AP3B2: variants seen among roughly 807,000 people sequenced by gnomAD.
The protein encoded by AP3B2 is adaptor related protein complex 3 subunit beta 2.
In AP3B2, 50 loss-of-function variants were observed where a neutral mutation model predicts 126.9. The ratio of observed to expected loss-of-function variants is 0.39; its 90% CI spans 0.31 to 0.50. The LOEUF (loss-of-function observed/expected upper bound fraction) is 0.50, where lower values mean the gene tolerates loss of function less well. Among genes scored for constraint, AP3B2 ranks in the 20% least tolerant of loss-of-function variants. AP3B2 has a pLI of 0.79. For synonymous variants in AP3B2, 541 were observed against 565.0 expected (o/e 0.96, Z 0.60); for missense variants, 1,177 against 1,426.4 (o/e 0.83, Z 2.82).
intron 24 of AP3B2, 72 bp from the exon 25 acceptor site, chr15:82,661,994 A>C: frequency 6.9e-7 from 1 of 1,450,256 alleles, no homozygotes; most frequent in Non-Finnish European, 9.6e-7. Context: ...CCCTGTGTAG[A>C]GGCACAGCTT....
At chr15:82,676,286 G>T (rs966773775) in intron 14 of AP3B2, among the ~76,000 whole-genome samples, 175 bp downstream of exon 14, 2 of 152,182 alleles carry the variant, frequency 1.3e-5, no homozygotes, top group African/African-American at 4.8e-5. Context: ...GCACTACAAG[G>T]TCTTTGTGGG....
intron 2 of AP3B2, 23 bp from the exon 3 acceptor site, chr15:82,689,255 G>C: frequency 1.2e-6 from 2 of 1,613,872 alleles, no homozygotes; most frequent in East Asian, 4.5e-5. Flanking sequence ...GTCAAGGTAG[G>C]GGAAGAGGGA....
Position 82,679,765 on chromosome 15 carries a change from G to C in AP3B2, c.1146C>G (p.Ile382Met). Residue 382 changes from isoleucine (I) to methionine (M), a missense_variant, in exon 10 of 27, where the codon ATC becomes ATG. Ile to Met is a conservative substitution (Grantham distance 10). Around this residue, in one of 5 missense-constraint regions of AP3B2, gnomAD observed 308 missense variants for 452.4 expected, o/e 0.68. Transcript: ENST00000535359. ...TAATCTGGGTGGGGTCGGTGGACCT[G>C]ATGTAGAAGCTCTTCAGGTAGGGCT... Reference protein sequence around the residue: ...MFEPYLKSFYIRSTDPTQIKI... With the variant: ...MFEPYLKSFYMRSTDPTQIKI... 6.2e-7 allele frequency: 1 copy of C among 1,613,892 alleles called. No individual in the cohort carries two copies. The highest frequency in any genetic ancestry group is 1.1e-5 in the South Asian group (1 of 91,068).
chr15:82,706,753 A>G (rs1393555893), intron 1 of AP3B2, among the ~76,000 whole-genome samples: 1 of 152,118 alleles, frequency 6.6e-6, no homozygotes, highest in East Asian at 1.9e-4. Context: ...AACCTCTTCC[A>G]TGTAGGTTAC....
chr15:82,666,334 G>A (rs997077527), intron 15 of AP3B2, among the ~76,000 whole-genome samples: 1 of 152,254 alleles, frequency 6.6e-6, no homozygotes, highest in Non-Finnish European at 1.5e-5. Flanking sequence ...TAAGCTCACA[G>A]AATGCAGGCA....
chr15:82,698,388 C>A (rs890727876), intron 1 of AP3B2, among the ~76,000 whole-genome samples: 2 of 151,930 alleles, frequency 1.3e-5, no homozygotes, highest in Admixed American at 1.3e-4. Context: ...CTCTTATAGA[C>A]ACACATATCC....
intron 1 of AP3B2, chr15:82,699,761 G>A: frequency 1.8e-5 from 7 of 399,434 alleles, no homozygotes; most frequent in Non-Finnish European, 3.1e-5. Flanking sequence ...TGGTACCGGA[G>A]TGGGGGCCCA....
intron 20 of AP3B2, 55 bp downstream of exon 20, chr15:82,663,746 G>A (rs1356489300): frequency 6.3e-7 from 1 of 1,597,024 alleles, no homozygotes; most frequent in Non-Finnish European, 8.6e-7. Context: ...TGGCCCAGAG[G>A]TTGGGGAGGG....
intron 1 of AP3B2, among the ~76,000 whole-genome samples, chr15:82,693,531 G>T (rs1401671075): frequency 1.3e-5 from 2 of 151,948 alleles, no homozygotes; most frequent in Non-Finnish European, 2.9e-5. Flanking sequence ...ACAGGTGTGA[G>T]CCACCACACC....
At chr15:82,670,411 T>G (rs1431827777) in intron 14 of AP3B2, among the ~76,000 whole-genome samples, 1 of 152,112 alleles carries the variant, frequency 6.6e-6, no homozygotes, top group Non-Finnish European at 1.5e-5. Context: ...CGCCTGGCCG[T>G]GAATTCATTT....
intron 14 of AP3B2, among the ~76,000 whole-genome samples, chr15:82,671,961 T>C (rs962740573): frequency 1.2e-4 from 19 of 152,022 alleles, no homozygotes; most frequent in African/African-American, 4.3e-4. Context: ...GGAGAATCGT[T>C]TGAACCTGGG....
intron 1 of AP3B2, among the ~76,000 whole-genome samples, chr15:82,690,692 CGCCCAGGCTGGAGT>C (rs1186739479): frequency 1.8e-5 from 2 of 111,608 alleles, no homozygotes; most frequent in Admixed American, 2.7e-4. Context: ...CTCGCTCTGT[CGCCCAGGCTGGAGT>C]GCAGTGGCGC....
rs1271278359 is a variant in AP3B2, at chr15:82,680,633, C to A, written c.894G>T (p.Met298Ile). The change falls in exon 8 of 27, where the codon ATG becomes ATT. Residue 298 changes from methionine to isoleucine, a missense_variant. Met to Ile is a conservative substitution (Grantham distance 10). Transcript: ENST00000535359. The surrounding 1 kb of genome is among the most constrained non-coding windows in gnomAD (Gnocchi z 6.1). The stretch of plus-strand genomic sequence containing the variant: ...GCAGCAGCAGCCGGTGGTCGGGGTC[C>A]ATGACATAGGGCTTTCGGGAGGGGG... ...AAAPSRKPYV[M>I]DPDHRLLLRN... The A allele has an allele frequency of 1.3e-6, 2 of 1,595,908 alleles. No individual in the cohort carries two copies. Among genetic ancestry groups the A allele is most frequent in the Non-Finnish European group, 1.7e-6 (2 of 1,176,908 alleles).
At position 82,665,600 on chromosome 15, in the gene AP3B2, C is replaced by T; in HGVS notation, c.1853-25G>A. On this transcript the variant is annotated intron_variant, in intron 15 of 26. Coordinates refer to ENST00000535359, the MANE Select transcript of AP3B2 (RefSeq NM_001278512.2). The surrounding 1 kb of genome is among the most constrained non-coding windows in gnomAD (Gnocchi z 4.4). The stretch of plus-strand genomic sequence containing the variant: ...TCTAGGGATAGGTTTAGAGGTCAGG[C>T]AGGTAGCAGCAGTGAGGGAAAGCTC... The T allele has an allele frequency of 1.3e-6, 2 of 1,562,754 alleles. No homozygotes were observed. The highest frequency in any genetic ancestry group is 8.8e-7 in the Non-Finnish European group (1 of 1,136,006).
chr15:82,696,340 G>A (rs1436935929), intron 1 of AP3B2, among the ~76,000 whole-genome samples: 1 of 152,178 alleles, frequency 6.6e-6, no homozygotes, highest in Admixed American at 6.5e-5. Context: ...CACTTTTGGA[G>A]GCCAAGGTGG....
In AP3B2 at chr15:82,680,682, G is replaced by C. The variant is rs1648849451; in HGVS notation, c.845C>G (p.Ser282Cys). Reference protein sequence around the residue: ...SEEDEAKGAGSEETAAAAAPS... With the variant: ...SEEDEAKGAGCEETAAAAAPS... Reference sequence around the variant, plus strand: ...GGCGGCCGCGGCGGCCGTCTCCTCAGACCCCGCGCCCTTGGCCTCGTCCTC... The same window carrying C: ...GGCGGCCGCGGCGGCCGTCTCCTCACACCCCGCGCCCTTGGCCTCGTCCTC... The change falls in exon 8 of 27, where the codon TCT (serine) becomes TGT (cysteine). Residue 282 changes from serine to cysteine, a missense_variant. Physicochemically the swap from Ser to Cys is moderately radical, Grantham distance 112. Around this residue, in one of 5 missense-constraint regions of AP3B2, gnomAD observed 103 missense variants for 101.4 expected, o/e 1.02. Transcript: ENST00000535359. The surrounding 1 kb of genome is among the most constrained non-coding windows in gnomAD (Gnocchi z 6.1). 1 of 1,576,878 alleles carries C rather than the reference G, an allele frequency of 6.3e-7. No homozygotes were observed. The highest frequency in any genetic ancestry group is 8.6e-7 in the Non-Finnish European group (1 of 1,165,956).
In AP3B2 at chr15:82,666,826, C is replaced by T. The variant is rs1421600062; in HGVS notation, c.1773G>A (p.Gln591=). ...FTRQLIVPSE[Q]GGALSRHAKK... is the part of the protein sequence containing the mutation. ...TGGCATGGCGGCTGAGGGCCCCACCCTGCTCGGAAGGGACGATGAGCTGCC... is the reference window on the plus strand; with the variant it reads ...TGGCATGGCGGCTGAGGGCCCCACCTTGCTCGGAAGGGACGATGAGCTGCC... Residue 591 remains glutamine, a synonymous_variant, in exon 15 of 27, where the codon CAG becomes CAA. Coordinates refer to ENST00000535359, the MANE Select transcript of AP3B2 (RefSeq NM_001278512.2). 1 of 1,613,908 alleles carries T rather than the reference C, an allele frequency of 6.2e-7. No homozygotes were observed. Among genetic ancestry groups the T allele is most frequent in the African/African-American group, 1.3e-5 (1 of 74,936 alleles).
chr15:82,664,216 C>T lies in AP3B2; in HGVS notation c.2261+151G>A, dbSNP rs1053514563. ...TGAGGCCTCAGAGATCTCCTGCAGC[C>T]AGCGAAAGTAGGCGTCATGTGAGCT... On this transcript the variant is annotated intron_variant, in intron 19 of 26. Coordinates refer to ENST00000535359, the MANE Select transcript of AP3B2 (RefSeq NM_001278512.2). The surrounding 1 kb of genome is among the most constrained non-coding windows in gnomAD (Gnocchi z 4.5). 1.0e-5 allele frequency: 14 copies of T among 1,339,292 alleles called. No homozygotes were observed. Among genetic ancestry groups the T allele is most frequent in the Non-Finnish European group, 1.4e-5 (14 of 986,976 alleles). The allele number at this position is 1,339,292 out of a possible 1,614,324, so 83.0% of individuals were successfully genotyped here.
At chr15:82,706,871 G>A (rs1258882081) in intron 1 of AP3B2, among the ~76,000 whole-genome samples, 2 of 152,162 alleles carry the variant, frequency 1.3e-5, no homozygotes, top group South Asian at 2.1e-4. Flanking sequence ...CTACTCCTCA[G>A]GGATTGTTCA....
Sources: allele counts gnomAD v4.1 joint callset (sites outside exome capture counted in the v4.1 genomes callset), GRCh38; gene constraint gnomAD v4.1.1; regional missense constraint gnomAD v4.1.1; non-coding constraint Gnocchi (gnomAD v3.1); transcripts MANE v1.5; gene names NCBI Gene and HGNC (gene_info 2026-07-23, HGNC 2026-07-21).